Variants in SLC39A11 observed in about 807,000 individuals in gnomAD.
SLC39A11 encodes the protein solute carrier family 39 member 11.
In SLC39A11, 33 loss-of-function variants were observed where a neutral mutation model predicts 36.1. The observed-to-expected ratio is 0.91, with a 90% confidence interval of 0.69 to 1.22. The LOEUF (loss-of-function observed/expected upper bound fraction) is 1.22, where lower values mean the gene tolerates loss of function less well. Ranked by LOEUF, SLC39A11 falls within the 50% of genes most tolerant of loss-of-function variation. The pLI, the probability that SLC39A11 is intolerant of heterozygous loss-of-function variation, is 0.00. For synonymous variants in SLC39A11, 166 were observed against 170.3 expected (o/e 0.97, Z 0.20); for missense variants, 432 against 430.3 (o/e 1.00, Z -0.03).
At chr17:72,752,193 AGCTT>A (rs2075180388) in intron 6 of SLC39A11, among the ~76,000 whole-genome samples, 1 of 152,188 alleles carries the variant, frequency 6.6e-6, no homozygotes, top group Admixed American at 6.5e-5. Flanking sequence ...GTGACTTAAT[AGCTT>A]GACTTGAAAG....
chr17:72,985,775 C>T (rs2088698328), intron 4 of SLC39A11, among the ~76,000 whole-genome samples: 1 of 152,162 alleles, frequency 6.6e-6, no homozygotes, highest in Admixed American at 6.5e-5. Context: ...GCCCTATCTC[C>T]CTGTGATGGG....
intron 3 of SLC39A11, among the ~76,000 whole-genome samples, chr17:73,075,867 T>C (rs947449747): frequency 3.9e-5 from 6 of 152,090 alleles, no homozygotes; most frequent in Admixed American, 3.3e-4. Flanking sequence ...AAATCCCAGA[T>C]CTGCTCACCA....
intron 5 of SLC39A11, among the ~76,000 whole-genome samples, chr17:72,917,010 T>C (rs1255486718): frequency 6.6e-6 from 1 of 152,204 alleles, no homozygotes; most frequent in East Asian, 1.9e-4. Context: ...AATGGACCAG[T>C]ACAAACGTCA....
At chr17:73,002,840 C>G (rs961983680) in intron 4 of SLC39A11, among the ~76,000 whole-genome samples, 4 of 152,184 alleles carry the variant, frequency 2.6e-5, no homozygotes, top group Non-Finnish European at 5.9e-5. Flanking sequence ...AGAATCTGTT[C>G]CTTGCCTCCT....
chr17:72,911,836 G>A (rs954132072), intron 5 of SLC39A11, among the ~76,000 whole-genome samples: 9 of 152,154 alleles, frequency 5.9e-5, no homozygotes, highest in Non-Finnish European at 1.3e-4. Flanking sequence ...TAGAGATGGG[G>A]TTTCACCATG....
rs115243208 is a variant in SLC39A11 at position 72,960,965 on chromosome 17, C to G, written c.307-13090G>C. On this transcript the variant is annotated intron_variant, in intron 4 of 9. Coordinates refer to ENST00000255559, the MANE Select transcript of SLC39A11 (RefSeq NM_139177.4). Reference sequence around the variant, plus strand: ...GAAAAAAGGTTAAAGTATGGCTTATCAACATTTTTCATAGCTTTGGCAACC... The same window carrying G: ...GAAAAAAGGTTAAAGTATGGCTTATGAACATTTTTCATAGCTTTGGCAACC... Among the ~76,000 whole-genome samples the G allele has an allele frequency of 2.6e-3, 401 of 152,252 alleles. 5 individuals carry two copies. The highest frequency in any genetic ancestry group is 8.5e-3 in the African/African-American group (355 of 41,556).
At chr17:72,716,582 G>C (rs1046491140) in intron 7 of SLC39A11, among the ~76,000 whole-genome samples, 1 of 150,166 alleles carries the variant, frequency 6.7e-6, no homozygotes, top group East Asian at 1.9e-4. Context: ...AAAAAAAATC[G>C]GAAACTTTAA....
intron 3 of SLC39A11, among the ~76,000 whole-genome samples, chr17:73,078,315 T>C (rs2060394923): frequency 1.3e-5 from 2 of 152,090 alleles, no homozygotes; most frequent in African/African-American, 2.4e-5. Context: ...TTAAAACATT[T>C]TTGTCTCCAG....
At chr17:72,966,555 T>G (rs74850201) in intron 4 of SLC39A11, among the ~76,000 whole-genome samples, 42 of 123,188 alleles carry the variant, frequency 3.4e-4, no homozygotes, top group African/African-American at 1.2e-3. Context: ...GCTTCATCTG[T>G]TTTTTTTTGT....
chr17:72,970,662 CAT>C (rs1163425903), intron 4 of SLC39A11, among the ~76,000 whole-genome samples: 1 of 152,186 alleles, frequency 6.6e-6, no homozygotes, highest in Admixed American at 6.5e-5. Flanking sequence ...AGAAGACTGT[CAT>C]TTTATGCTTA....
intron 6 of SLC39A11, among the ~76,000 whole-genome samples, chr17:72,843,658 C>T (rs12936075): frequency 0.39 from 59,457 of 151,932 alleles, 11,901 homozygotes; most frequent in East Asian, 0.66. Context: ...TCCAGAACTG[C>T]GAGAAATAAA....
In SLC39A11 at chr17:73,064,990, CTCAG is replaced by C. The variant is rs371392567; in HGVS notation, c.147+19814_147+19817del. 2.2e-3 allele frequency among the ~76,000 whole-genome samples: 342 copies of C among 152,254 alleles called. 1 individual carries two copies. The highest frequency in any genetic ancestry group is 7.3e-3 in the African/African-American group (304 of 41,532). On this transcript the variant is annotated intron_variant, in intron 3 of 9. Coordinates refer to ENST00000255559, the MANE Select transcript of SLC39A11 (RefSeq NM_139177.4). Reference sequence around the variant, plus strand: ...GGGCTTCCCCTTTCTCCCTCCTGCTCTCAGTCAAAGTGTCTTTATAGCCATAAAT... The same window carrying C: ...GGGCTTCCCCTTTCTCCCTCCTGCTCTCAAAGTGTCTTTATAGCCATAAAT...
At chr17:72,781,154 A>G (rs768804215) in intron 6 of SLC39A11, among the ~76,000 whole-genome samples, 21 of 152,296 alleles carry the variant, frequency 1.4e-4, no homozygotes, top group Non-Finnish European at 2.9e-4. Flanking sequence ...ATTTTAAAAT[A>G]AAGTCATATT....
intron 5 of SLC39A11, among the ~76,000 whole-genome samples, chr17:72,928,742 G>A (rs991054409): frequency 6.6e-6 from 1 of 152,166 alleles, no homozygotes; most frequent in Non-Finnish European, 1.5e-5. Context: ...GATTGAAAAG[G>A]CTTCTAGATA....
At chr17:72,807,792 G>T (rs2077309555) in intron 6 of SLC39A11, among the ~76,000 whole-genome samples, 1 of 152,158 alleles carries the variant, frequency 6.6e-6, no homozygotes, top group Non-Finnish European at 1.5e-5. Context: ...GCAAGTAGAT[G>T]GTTTTCTTGA....
chr17:72,891,130 C>G (rs2081720240), intron 5 of SLC39A11, among the ~76,000 whole-genome samples: 1 of 151,954 alleles, frequency 6.6e-6, no homozygotes, highest in Non-Finnish European at 1.5e-5. Context: ...AAGACTTTTC[C>G]AGATAAAAGA....
At chr17:72,831,467 G>A (rs1330487004) in intron 6 of SLC39A11, among the ~76,000 whole-genome samples, 1 of 152,192 alleles carries the variant, frequency 6.6e-6, no homozygotes, top group Non-Finnish European at 1.5e-5. Context: ...AGCAGAGGGT[G>A]GAGCTGGAAT....
intron 5 of SLC39A11, among the ~76,000 whole-genome samples, chr17:72,930,807 A>G (rs964252082): frequency 6.6e-6 from 1 of 152,216 alleles, no homozygotes; most frequent in African/African-American, 2.4e-5. Context: ...ACTGTAGGCT[A>G]ATGGGCTTCC....
intron 1 of SLC39A11, among the ~76,000 whole-genome samples, chr17:73,090,411 C>T (rs2060886356): frequency 6.6e-6 from 1 of 152,146 alleles, no homozygotes; most frequent in Non-Finnish European, 1.5e-5. Flanking sequence ...AAAAAAAAAT[C>T]ATTTTCAAAA....
Sources: allele counts gnomAD v4.1 joint callset (sites outside exome capture counted in the v4.1 genomes callset), GRCh38; gene constraint gnomAD v4.1.1; transcripts MANE v1.5; gene names NCBI Gene and HGNC (gene_info 2026-07-23, HGNC 2026-07-21).